LIPA: variants seen among roughly 807,000 people sequenced by gnomAD.
The protein encoded by LIPA is lysosomal acid lipase/cholesteryl ester hydrolase.
LIPA carries 26 observed loss-of-function variants against 40.6 expected under a neutral mutation model. The ratio of observed to expected loss-of-function variants is 0.64; its 90% CI spans 0.47 to 0.89. The LOEUF (loss-of-function observed/expected upper bound fraction) is 0.89. Among genes scored for constraint, LIPA ranks in the 40% least tolerant of loss-of-function variants. The probability of loss-of-function intolerance (pLI) is 0.00; values close to 1 mark genes in which losing one functional copy is unlikely to be tolerated. For missense variants in LIPA, 455 were observed against 479.6 expected (o/e 0.95, Z 0.48); for synonymous variants, 188 against 168.4 (o/e 1.12, Z -0.90).
At chr10:89,361,779 T>C (rs1044600725) in intron 2 of LIPA, among the ~76,000 whole-genome samples, 2 of 149,724 alleles carry the variant, frequency 1.3e-5, no homozygotes, top group East Asian at 3.9e-4. Flanking sequence ...CTTGGCAATA[T>C]GGAATGACGT....
At chr10:89,371,057 T>C (rs370921530) in intron 2 of LIPA, among the ~76,000 whole-genome samples, 74 of 152,196 alleles carry the variant, frequency 4.9e-4, no homozygotes, top group African/African-American at 1.7e-3. Context: ...TCTCCAAGTA[T>C]TGCCAGATGC....
At chr10:89,327,726 G>T (rs1843613166) in intron 1 of LIPA, among the ~76,000 whole-genome samples, 1 of 152,122 alleles carries the variant, frequency 6.6e-6, no homozygotes, top group Non-Finnish European at 1.5e-5. Flanking sequence ...TATGGCCTTA[G>T]AATTTAATTT....
At chr10:89,389,811 A>G (rs1401097719) in intron 2 of LIPA, among the ~76,000 whole-genome samples, 2 of 152,160 alleles carry the variant, frequency 1.3e-5, no homozygotes, top group African/African-American at 4.8e-5. Context: ...TGAGTCGTAA[A>G]ATACTGAATC....
chr10:89,287,356 C>T (rs944145183), intron 1 of LIPA, among the ~76,000 whole-genome samples: 10 of 152,212 alleles, frequency 6.6e-5, no homozygotes, highest in African/African-American at 2.4e-4. Flanking sequence ...GGCCAGGCTT[C>T]TAAACCTCTT....
At chr10:89,326,636 C>A (rs1450186959) in intron 1 of LIPA, among the ~76,000 whole-genome samples, 2 of 152,090 alleles carry the variant, frequency 1.3e-5, no homozygotes, top group African/African-American at 4.8e-5. Flanking sequence ...GTCATTTACC[C>A]TGATGTGATT....
intron 3 of LIPA, among the ~76,000 whole-genome samples, chr10:89,229,683 G>T (rs1196921020): frequency 2.6e-5 from 4 of 151,220 alleles, no homozygotes; most frequent in Non-Finnish European, 5.9e-5. Context: ...AACCCGGGAG[G>T]CAGAGGTTGC....
intron 1 of LIPA, among the ~76,000 whole-genome samples, chr10:89,318,618 A>T (rs1200373097): frequency 1.3e-5 from 2 of 152,194 alleles, no homozygotes; most frequent in African/African-American, 4.8e-5. Context: ...ATAACAGGAG[A>T]CTTTAACACC....
intron 1 of LIPA, among the ~76,000 whole-genome samples, chr10:89,313,381 A>C (rs1166788087): frequency 6.6e-6 from 1 of 152,228 alleles, no homozygotes; most frequent in African/African-American, 2.4e-5. Context: ...TCTCTCTTTC[A>C]GTAACTCATC....
At chr10:89,336,587 T>C (rs950250001) in intron 1 of LIPA, among the ~76,000 whole-genome samples, 3 of 152,262 alleles carry the variant, frequency 2.0e-5, no homozygotes. Flanking sequence ...CAATGGCTCC[T>C]TGTAGAACAA....
rs1205569564 is a variant in LIPA, at chr10:89,321,492, G to A, written c.-2+21119C>T. On this transcript the variant is annotated intron_variant, in intron 1 of 5. Coordinates refer to the LIPA transcript ENST00000282673. ...AAGAGCTCATTATCACTGGCCATCA[G>A]AGAAATGCAAATCAAAACCACAATG... Among the ~76,000 whole-genome samples the A allele has an allele frequency of 2.0e-5, 3 of 152,212 alleles. No individual in the cohort carries two copies. The East Asian group carries it at 5.8e-4, about 29-fold the overall frequency.
At chr10:89,320,818 T>C (rs1316630607) in intron 1 of LIPA, among the ~76,000 whole-genome samples, 1 of 152,096 alleles carries the variant, frequency 6.6e-6, no homozygotes, top group East Asian at 1.9e-4. Flanking sequence ...CTTCAAACTA[T>C]ACTACAAGGC....
intron 3 of LIPA, among the ~76,000 whole-genome samples, chr10:89,243,643 G>A (rs1323957418): frequency 6.6e-6 from 1 of 151,934 alleles, no homozygotes; most frequent in African/African-American, 2.4e-5. Context: ...GGCAAACCCA[G>A]GTGTAGCACC....
chr10:89,304,371 G>A (rs1211107421), intron 1 of LIPA, among the ~76,000 whole-genome samples: 1 of 152,138 alleles, frequency 6.6e-6, no homozygotes, highest in Non-Finnish European at 1.5e-5. Context: ...TATTCTTAGT[G>A]AGGTTACAGG....
chr10:89,399,091 T>C (rs1844385616), intron 2 of LIPA, among the ~76,000 whole-genome samples: 2 of 152,174 alleles, frequency 1.3e-5, no homozygotes, highest in African/African-American at 2.4e-5. Flanking sequence ...TGGTATCTCA[T>C]TGTGGTTTTT....
chr10:89,315,596 A>C (rs1327024479), intron 1 of LIPA, among the ~76,000 whole-genome samples: 1 of 152,168 alleles, frequency 6.6e-6, no homozygotes, highest in Non-Finnish European at 1.5e-5. Context: ...AGAAAAAAAA[A>C]ACCTCTCAGG....
chr10:89,381,696 A>T (rs1306067093), intron 2 of LIPA, among the ~76,000 whole-genome samples: 1 of 152,200 alleles, frequency 6.6e-6, no homozygotes, highest in African/African-American at 2.4e-5. Context: ...AGCAGTCATA[A>T]GCCTGAGTAT....
At chr10:89,347,656 C>T (rs1169729950), upstream of LIPA, among the ~76,000 whole-genome samples, 3 of 152,124 alleles carry the variant, frequency 2.0e-5, no homozygotes, top group African/African-American at 7.2e-5. Context: ...AGTATTTATC[C>T]TCTTTTAAGG....
chr10:89,231,842 G>A (rs1404484583), intron 3 of LIPA, among the ~76,000 whole-genome samples: 1 of 152,190 alleles, frequency 6.6e-6, no homozygotes, highest in East Asian at 1.9e-4. Flanking sequence ...TACCCATGGG[G>A]AGAAAATAGA....
intron 2 of LIPA, among the ~76,000 whole-genome samples, chr10:89,388,566 G>A (rs1039334597): frequency 1.3e-5 from 2 of 152,030 alleles, no homozygotes; most frequent in Non-Finnish European, 2.9e-5. Flanking sequence ...AAATATGTAC[G>A]TAAGATTTTT....
Sources: gnomAD v4.1 joint callset for allele counts (sites outside exome capture counted in the v4.1 genomes callset) on GRCh38, gnomAD v4.1.1 for gene constraint, MANE v1.5 for transcripts, NCBI Gene and HGNC (gene_info 2026-07-23, HGNC 2026-07-21) for gene names.